The following FBRS variants were observed in gnomAD, a reference collection of about 807,000 sequenced individuals.
FBRS encodes probable fibrosin-1.
In FBRS, 15 loss-of-function variants were observed where a neutral mutation model predicts 86.1. The ratio of observed to expected loss-of-function variants is 0.17; its 90% confidence interval spans 0.12 to 0.27. The LOEUF is 0.27. FBRS is among the 10% of genes least tolerant of loss of function. The probability of loss-of-function intolerance (pLI) is 1.00; values close to 1 mark genes in which losing one functional copy is unlikely to be tolerated. For missense variants in FBRS, 1,367 were observed against 1,301.6 expected (o/e 1.05, Z -0.77); for synonymous variants, 666 against 575.8 (o/e 1.16, Z -2.24).
intron 6 of FBRS, among the ~76,000 whole-genome samples, chr16:30,663,614 G>T (rs1012695784): frequency 3.3e-5 from 5 of 152,202 alleles, no homozygotes; most frequent in Non-Finnish European, 1.5e-5. Context: ...GGCGTGGAAT[G>T]TTGGAGACTT....
rs1306224255 is a variant in FBRS at position 30,662,715 on chromosome 16, C to T, written c.911C>T (p.Pro304Leu). 6.5e-7 allele frequency: 1 copy of T among 1,548,006 alleles called. No individual in the cohort carries two copies. Among genetic ancestry groups the T allele is most frequent in the Non-Finnish European group, 8.7e-7 (1 of 1,145,368 alleles). ...PPKEPPPPPVPRPPVSPPAPL... is the reference protein window; with the variant it reads ...PPKEPPPPPVLRPPVSPPAPL... ...AAGGAACCACCGCCTCCACCGGTCCCTCGGCCTCCTGTCTCACCCCCTGCA... is the reference window on the plus strand; with the variant it reads ...AAGGAACCACCGCCTCCACCGGTCCTTCGGCCTCCTGTCTCACCCCCTGCA... Residue 304 changes from proline (P) to leucine (L), a missense_variant, in exon 6 of 18, where the codon CCT becomes CTT. By Grantham distance (98) the Pro-to-Leu change is moderately conservative. This residue lies in a region of FBRS where 702 missense variants were observed against 598.7 expected (regional missense o/e 1.17). Coordinates refer to ENST00000356166, the MANE Select transcript of FBRS (RefSeq NM_001105079.3).
At chr16:30,662,142 C>CT in intron 4 of FBRS, 1 of 449,474 alleles carries the variant, frequency 2.2e-6, no homozygotes, top group Admixed American at 4.0e-5. Context: ...CTAGTGACCT[C>CT]TGACGTTTTG....
Position 30,665,250 on chromosome 16 carries a change from C to T in FBRS, c.1609-56C>T, listed in dbSNP as rs1196911794. 2 of 1,535,060 alleles carry T rather than the reference C, an allele frequency of 1.3e-6. No individual in the cohort carries two copies. The highest frequency in any genetic ancestry group is 4.9e-5 in the East Asian group (2 of 41,002). ...GGAGGCCCGTGGACTGACGGGCAGG[C>T]TGGACTTGGGCTGCGCCTCCACCCC... On this transcript the variant is annotated intron_variant, in intron 9 of 17. Transcript: ENST00000356166. This position sits in a 1 kb window ranked among gnomAD's most constrained non-coding sequence, Gnocchi z 4.1.
In FBRS at chr16:30,669,395, A is replaced by G. The variant is rs752207450; in HGVS notation, c.2693A>G (p.Tyr898Cys). The G allele has an allele frequency of 4.3e-6, 7 of 1,612,706 alleles. No individual in the cohort carries two copies. The Admixed American group carries it at 8.3e-5, about 19-fold the overall frequency. ...CGCCTGGCAAGGCCACCCCGCTTCTATGAGGCGGGTGAGGAGCTAACTGGA... is the reference window on the plus strand; with the variant it reads ...CGCCTGGCAAGGCCACCCCGCTTCTGTGAGGCGGGTGAGGAGCTAACTGGA... ...PPRLARPPRFYEAGEELTGPG... is the reference protein window; with the variant it reads ...PPRLARPPRFCEAGEELTGPG... Residue 898 changes from tyrosine (Y) to cysteine (C), a missense_variant, in exon 18 of 18, where the codon TAT (tyrosine) becomes TGT (cysteine). By Grantham distance (194) the Tyr-to-Cys change is radical. This residue lies in a region of FBRS where 659 missense variants were observed against 678.8 expected (regional missense o/e 0.97). Coordinates refer to ENST00000356166, the MANE Select transcript of FBRS (RefSeq NM_001105079.3). The surrounding 1 kb of genome is among the most constrained non-coding windows in gnomAD (Gnocchi z 5.9).
At position 30,668,991 on chromosome 16, in the gene FBRS, A is replaced by ACCCCCC; in HGVS notation, c.2366+15_2366+16insCCCCCC. Reference sequence around the variant, plus strand: ...GAGGAGAAGGACAGGTGTGCCTCCCACCCACCCTGCCCCTGCCCCACCCTC... The same window carrying ACCCCCC: ...GAGGAGAAGGACAGGTGTGCCTCCCACCCCCCCCCACCCTGCCCCTGCCCCACCCTC... On this transcript the variant is annotated intron_variant, in intron 17 of 17. Transcript: ENST00000356166. 2 of 704,522 alleles carry ACCCCCC rather than the reference A, an allele frequency of 2.8e-6. No homozygotes were observed. Among genetic ancestry groups the ACCCCCC allele is most frequent in the Admixed American group, 3.9e-5 (1 of 25,358 alleles). The allele number at this position is 704,522 out of a possible 1,614,324, so 43.6% of individuals were successfully genotyped here.
In FBRS at chr16:30,665,324, C is replaced by T; in HGVS notation, c.1627C>T (p.Pro543Ser). 2 of 1,564,262 alleles carry T rather than the reference C, an allele frequency of 1.3e-6. No homozygotes were observed. Among genetic ancestry groups the T allele is most frequent in the East Asian group, 4.8e-5 (2 of 41,800 alleles). Residue 543 changes from proline to serine, a missense_variant, in exon 10 of 18, where the codon CCC (proline) becomes TCC (serine). Coordinates refer to ENST00000356166, the MANE Select transcript of FBRS (RefSeq NM_001105079.3). This position sits in a 1 kb window ranked among gnomAD's most constrained non-coding sequence, Gnocchi z 4.1. ...FRHNPYTAFP[P>S]AVPGLPPGLP... ...TCCACAGCCGTACACGGCCTTCCCT[C>T]CCGCAGTGCCCGGGCTGCCTCCGGG...
In FBRS at chr16:30,660,390, G is replaced by C; in HGVS notation, c.587G>C (p.Arg196Pro). Residue 196 changes from arginine to proline, a missense_variant, in exon 2 of 18, where the codon CGG becomes CCG. Arg to Pro is a moderately radical substitution (Grantham distance 103). Coordinates refer to ENST00000356166, the MANE Select transcript of FBRS (RefSeq NM_001105079.3). ...GACAGCTCTGATCGAGAGCCTGGCC[G>C]GCCCCCTGGGGATCGGGCCCGAAAA... is the stretch of plus-strand genomic sequence containing the variant. ...PGDSSDREPG[R>P]PPGDRARKWP... The C allele has an allele frequency of 9.5e-6, 12 of 1,262,320 alleles. No individual in the cohort carries two copies. Among genetic ancestry groups the C allele is most frequent in the Non-Finnish European group, 1.2e-5 (12 of 994,476 alleles). 78.2% of individuals were successfully genotyped at this position (1,262,320 alleles called of 1,614,324 possible).
At chr16:30,666,801 A>C in intron 12 of FBRS, 118 bp from the exon 13 acceptor site, 3 of 1,209,106 alleles carry the variant, frequency 2.5e-6, no homozygotes, top group Non-Finnish European at 3.6e-6. Flanking sequence ...CCTTGGTTGT[A>C]GGAATGATGA....
chr16:30,665,503 C>G lies in FBRS; in HGVS notation c.1704+102C>G. ...CCCATTCCCCAAAGTCGTGCCCATC[C>G]TCCTGCCCTGCCCTGCTGCACCCAG... On this transcript the variant is annotated intron_variant, in intron 10 of 17. Coordinates refer to ENST00000356166, the MANE Select transcript of FBRS (RefSeq NM_001105079.3). The surrounding 1 kb of genome is among the most constrained non-coding windows in gnomAD (Gnocchi z 4.1). 7.1e-7 allele frequency: 1 copy of G among 1,414,136 alleles called. No homozygotes were observed. Among genetic ancestry groups the G allele is most frequent in the Non-Finnish European group, 9.8e-7 (1 of 1,022,086 alleles). 87.6% of individuals were successfully genotyped at this position (1,414,136 alleles called of 1,614,324 possible). A position where few individuals can be genotyped will look rare whatever the true frequency, so the allele number is the denominator to read the frequency against.
chr16:30,660,101 T>C, intron 1 of FBRS, 124 bp downstream of exon 1: 1 of 1,444,014 alleles, frequency 6.9e-7, no homozygotes, highest in Non-Finnish European at 9.1e-7. Context: ...AACCGGCTCC[T>C]CTGGCCAGGC....
Position 30,664,418 on chromosome 16 carries a change from A to G in FBRS, c.1259A>G (p.His420Arg). The change falls in exon 7 of 18, where the codon CAC becomes CGC. Residue 420 changes from histidine (H) to arginine (R), a missense_variant. This residue lies in a region of FBRS where 702 missense variants were observed against 598.7 expected (regional missense o/e 1.17). Transcript: ENST00000356166. ...CTGCGGCCCCCCCCACCACCCCACC[A>G]CCCCTCCTTGTTCTCCCCTGGCCCC... ...PGLRPPPPPHHPSLFSPGPTL... is the reference protein window; with the variant it reads ...PGLRPPPPPHRPSLFSPGPTL... 2.4e-6 allele frequency: 1 copy of G among 420,540 alleles called. No homozygotes were observed. The allele number at this position is 420,540 out of a possible 1,614,324, so 26.1% of individuals were successfully genotyped here.
chr16:30,663,702 CTAT>C (rs2052487144), intron 6 of FBRS, among the ~76,000 whole-genome samples: 1 of 152,122 alleles, frequency 6.6e-6, no homozygotes, highest in South Asian at 2.1e-4. Flanking sequence ...TTGACACTTA[CTAT>C]TGATGCTCTA....
chr16:30,664,899 G>A lies in FBRS; in HGVS notation c.1542G>A (p.Leu514=), dbSNP rs1303481673. ...TCACCCCTTATCCCCCGGGCCTGCT[G>A]CCACCCCACGGCCCCCACATGGTGA... ...QHFTPYPPGL[L]PPHGPHMFEK... Residue 514 remains leucine, a synonymous_variant, in exon 8 of 18, where the codon CTG becomes CTA. Coordinates refer to ENST00000356166, the MANE Select transcript of FBRS (RefSeq NM_001105079.3). 2.5e-6 allele frequency: 4 copies of A among 1,610,456 alleles called. No homozygotes were observed. The highest frequency in any genetic ancestry group is 3.4e-6 in the Non-Finnish European group (4 of 1,178,320).
chr16:30,666,193 A>G (rs148286621), intron 11 of FBRS: 99 of 496,352 alleles, frequency 2.0e-4, no homozygotes, highest in African/African-American at 1.7e-3. Context: ...TTTTCCCTAA[A>G]TAAATCTTAA....
At chr16:30,660,622 C>A in intron 2 of FBRS, 180 bp downstream of exon 2, 2 of 1,049,590 alleles carry the variant, frequency 1.9e-6, no homozygotes, top group East Asian at 3.2e-5. Context: ...CAGTCAGGTG[C>A]ACCTCCTTTT....
At position 30,670,495 on chromosome 16, in the gene FBRS, G is replaced by A. The variant is rs11538957; in HGVS notation, c.*850G>A. 11,716 of 316,386 alleles carry A rather than the reference G, an allele frequency of 0.037. 286 individuals carry two copies. The highest frequency in any genetic ancestry group is 0.053 in the Non-Finnish European group (8,500 of 161,746). The allele number at this position is 316,386 out of a possible 1,614,324, so 19.6% of individuals were successfully genotyped here. ...TCACCCCATTTCCAAGTGCCCCCAGGACTCCTGGGCCCTGCTTCCCTGAAC... is the reference window on the plus strand; with the variant it reads ...TCACCCCATTTCCAAGTGCCCCCAGAACTCCTGGGCCCTGCTTCCCTGAAC... On this transcript the variant is annotated 3_prime_UTR_variant, in exon 18 of 18. Transcript: ENST00000356166.
Position 30,669,901 on chromosome 16 carries a change from CG to C in FBRS, c.*261del. 1.7e-6 allele frequency: 1 copy of C among 604,076 alleles called. No individual in the cohort carries two copies. The highest frequency in any genetic ancestry group is 2.9e-6 in the Non-Finnish European group (1 of 345,474). 37.4% of individuals were successfully genotyped at this position (604,076 alleles called of 1,614,324 possible). A position where few individuals can be genotyped will look rare whatever the true frequency, so the allele number is the denominator to read the frequency against. ...GTGTGCATGGGAGTGTGGCTCATCT[CG>C]GGGGCCATGGGGCCTCCTGAGGTAC... On this transcript the variant is annotated 3_prime_UTR_variant, in exon 18 of 18. Transcript: ENST00000356166. The surrounding 1 kb of genome is among the most constrained non-coding windows in gnomAD (Gnocchi z 5.9).
At position 30,666,505 on chromosome 16, in the gene FBRS, T is replaced by TC. The variant is rs1422344770; in HGVS notation, c.1774-3dup. 1.2e-6 allele frequency: 2 copies of TC among 1,613,962 alleles called. No homozygotes were observed. Among genetic ancestry groups the TC allele is most frequent in the Non-Finnish European group, 1.7e-6 (2 of 1,179,902 alleles). On this transcript the variant is annotated splice_region_variant and splice_polypyrimidine_tract_variant and intron_variant, in intron 11 of 17. Transcript: ENST00000356166. Reference sequence around the variant, plus strand: ...GTCGCCTCCCATCTCTCCTTTGCCATCCCCAGATCCCCGACCATTTCCGGC... The same window carrying TC: ...GTCGCCTCCCATCTCTCCTTTGCCATCCCCCAGATCCCCGACCATTTCCGGC...
In FBRS at chr16:30,665,838, G is replaced by C; in HGVS notation, c.1773+132G>C. ...CGGGTGTTCCTGGGTGTCTAATAGA[G>C]AGGGAATTTCTGTAAATAGCTGGCT... On this transcript the variant is annotated intron_variant, in intron 11 of 17. Transcript: ENST00000356166. The surrounding 1 kb of genome is among the most constrained non-coding windows in gnomAD (Gnocchi z 4.1). The C allele has an allele frequency of 1.2e-6, 1 of 830,726 alleles. No individual in the cohort carries two copies. Among genetic ancestry groups the C allele is most frequent in the Non-Finnish European group, 1.9e-6 (1 of 539,858 alleles). 51.5% of individuals were successfully genotyped at this position (830,726 alleles called of 1,614,324 possible). A position where few individuals can be genotyped will look rare whatever the true frequency, so the allele number is the denominator to read the frequency against.
Sources: gnomAD v4.1 joint callset for allele counts (sites outside exome capture counted in the v4.1 genomes callset) on GRCh38, gnomAD v4.1.1 for gene constraint, gnomAD v4.1.1 regional missense constraint, Gnocchi (gnomAD v3.1) non-coding constraint, MANE v1.5 for transcripts, NCBI Gene and HGNC (gene_info 2026-07-23, HGNC 2026-07-21) for gene names.